Variants in FBXW10B observed in about 807,000 individuals in gnomAD.
The protein encoded by FBXW10B is F-box and WD repeat domain containing 10B.
the FBXW10B span, chr17:15,598,389 A>G: frequency 1.8e-6 from 2 of 1,139,678 alleles, no homozygotes; most frequent in African/African-American, 3.7e-5. Flanking sequence ...GGAAGGAAGG[A>G]TGGGTGGGTG....
At chr17:15,605,976 T>C in the FBXW10B span, among the ~76,000 whole-genome samples, 8 of 145,744 alleles carry the variant, frequency 5.5e-5, no homozygotes, top group East Asian at 1.5e-3. Context: ...CTTTCAATCA[T>C]AGGATTATTA....
At chr17:15,605,008 A>G in the FBXW10B span, among the ~76,000 whole-genome samples, 1 of 152,270 alleles carries the variant, frequency 6.6e-6, no homozygotes, top group Admixed American at 6.5e-5. Flanking sequence ...AATATATCTG[A>G]TAACTGTTAT....
the FBXW10B span, among the ~76,000 whole-genome samples, chr17:15,600,946 G>A: frequency 6.9e-6 from 1 of 145,480 alleles, no homozygotes. Flanking sequence ...AGCTACTCGG[G>A]AGGCTGAGGC....
chr17:15,591,695 T>C, the FBXW10B span, among the ~76,000 whole-genome samples: 1 of 62,960 alleles, frequency 1.6e-5, no homozygotes. Context: ...TCAGTGTTTT[T>C]GTTTGTTTGT....
the FBXW10B span, chr17:15,593,482 C>A: frequency 3.1e-6 from 5 of 1,614,182 alleles, no homozygotes; most frequent in Non-Finnish European, 4.2e-6. Flanking sequence ...AGAAGGGACA[C>A]GTCGAGCACC....
chr17:15,615,593 G>A, the FBXW10B span: 136 of 1,608,938 alleles, frequency 8.5e-5, no homozygotes, highest in African/African-American at 1.5e-3. Context: ...GATTACAGGC[G>A]TGAGCCACCG....
the FBXW10B span, among the ~76,000 whole-genome samples, chr17:15,603,505 C>G: frequency 6.6e-6 from 1 of 152,010 alleles, no homozygotes; most frequent in Admixed American, 6.6e-5. Context: ...AAATTTAAAC[C>G]CCAATAAAAC....
the FBXW10B span, among the ~76,000 whole-genome samples, chr17:15,602,979 G>A: frequency 1.6e-5 from 2 of 125,864 alleles, no homozygotes; most frequent in African/African-American, 3.6e-5. Context: ...CACCTCCCAG[G>A]TTCAAGTGAT....
At chr17:15,589,205 T>G in the FBXW10B span, 1 of 1,613,774 alleles carries the variant, frequency 6.2e-7, no homozygotes, top group South Asian at 1.1e-5. Context: ...TTAGCAAATG[T>G]GCTGATGTGG....
the FBXW10B span, among the ~76,000 whole-genome samples, chr17:15,597,305 G>A: frequency 6.7e-6 from 1 of 148,300 alleles, no homozygotes; most frequent in Non-Finnish European, 1.5e-5. Flanking sequence ...GATGAGAGTG[G>A]GTGGGTGGCA....
At chr17:15,595,785 C>G in the FBXW10B span, among the ~76,000 whole-genome samples, 4 of 152,176 alleles carry the variant, frequency 2.6e-5, no homozygotes, top group Admixed American at 2.6e-4. Context: ...CATCCAATCA[C>G]TTTCAAGACC....
chr17:15,616,515 A>C, the FBXW10B span, among the ~76,000 whole-genome samples: 2 of 151,912 alleles, frequency 1.3e-5, no homozygotes, highest in Non-Finnish European at 2.9e-5. Context: ...AGAAAAGAGA[A>C]GGTTGTTGGT....
At chr17:15,588,824 T>C in the FBXW10B span, 2 of 1,564,744 alleles carry the variant, frequency 1.3e-6, no homozygotes, top group African/African-American at 2.7e-5. Flanking sequence ...TTGGAGATGA[T>C]CACTCCACGT....
chr17:15,608,689 C>G, the FBXW10B span, among the ~76,000 whole-genome samples: 7 of 149,004 alleles, frequency 4.7e-5, no homozygotes, highest in South Asian at 4.3e-4. Flanking sequence ...CCTGACCTCA[C>G]GTGATCTGCC....
At chr17:15,617,898 C>T in the FBXW10B span, among the ~76,000 whole-genome samples, 1 of 152,202 alleles carries the variant, frequency 6.6e-6, no homozygotes, top group African/African-American at 2.4e-5. Context: ...AAAACAGACA[C>T]CACCCTTATT....
chr17:15,600,074 G>A, the FBXW10B span, among the ~76,000 whole-genome samples: 1 of 151,750 alleles, frequency 6.6e-6, no homozygotes, highest in Admixed American at 6.6e-5. Context: ...ACATTAGCCG[G>A]GCGTGGTGGC....
the FBXW10B span, among the ~76,000 whole-genome samples, chr17:15,567,393 ATTAAT>A: frequency 6.6e-6 from 1 of 151,886 alleles, no homozygotes; most frequent in Non-Finnish European, 1.5e-5. Context: ...CTCATTGTTT[ATTAAT>A]TTGTCTTTTT....
chr17:15,611,421 T>C, the FBXW10B span, among the ~76,000 whole-genome samples: 2 of 152,194 alleles, frequency 1.3e-5, no homozygotes, highest in Non-Finnish European at 2.9e-5. Flanking sequence ...TACCTCAGGT[T>C]TCTATCTTCC....
chr17:15,585,302 A>C, the FBXW10B span, among the ~76,000 whole-genome samples: 1 of 152,310 alleles, frequency 6.6e-6, no homozygotes, highest in East Asian at 1.9e-4. Flanking sequence ...AGGGAACTTC[A>C]AAAAGATTAT....
Sources: allele counts gnomAD v4.1 joint callset (sites outside exome capture counted in the v4.1 genomes callset), GRCh38; gene constraint gnomAD v4.1.1; transcripts MANE v1.5; gene names NCBI Gene and HGNC (gene_info 2026-07-23, HGNC 2026-07-21).